Variants in BASP1 observed in about 807,000 individuals in gnomAD.
The protein encoded by BASP1 is brain acid soluble protein 1.
In BASP1, 1 loss-of-function variant was observed where a neutral mutation model predicts 2.2. The ratio of observed to expected loss-of-function variants is 0.46; its 90% CI spans 0.16 to 2.17. The LOEUF (loss-of-function observed/expected upper bound fraction) is 2.17, where lower values mean the gene tolerates loss of function less well. Ranked by LOEUF, BASP1 falls within the 30% of genes most tolerant of loss-of-function variation. The pLI, the probability that BASP1 is intolerant of heterozygous loss-of-function variation, is 0.27. For missense variants in BASP1, 352 were observed against 327.2 expected, an observed-to-expected ratio of 1.08 and a Z score of -0.58; for synonymous variants, 187 against 154.2, an observed-to-expected ratio of 1.21 and a Z score of -1.58.
chr5:17,250,895 C>T (rs1324584659), intron 1 of BASP1, among the ~76,000 whole-genome samples: 4 of 152,180 alleles, frequency 2.6e-5, no homozygotes, highest in African/African-American at 9.7e-5. Context: ...TGAGCCACAG[C>T]GCCCGGCCAA....
intron 1 of BASP1, among the ~76,000 whole-genome samples, chr5:17,249,176 C>G (rs1740051258): frequency 6.6e-6 from 1 of 152,064 alleles, no homozygotes; most frequent in Non-Finnish European, 1.5e-5. Flanking sequence ...GCCTGCAGAG[C>G]CCAACGCAGG....
Position 17,250,886 on chromosome 5 carries a change from G to GA in BASP1, c.-9-24321dup, listed in dbSNP as rs1416658924. The stretch of plus-strand genomic sequence containing the variant: ...CCCAAAGTGCTGGGATTACAGGCGT[G>GA]AGCCACAGCGCCCGGCCAAAATATT... On this transcript the variant is annotated intron_variant, in intron 1 of 1. Coordinates refer to ENST00000322611, the MANE Select transcript of BASP1 (RefSeq NM_006317.5). 2.0e-5 allele frequency among the ~76,000 whole-genome samples: 3 copies of GA among 152,320 alleles called. No individual in the cohort carries two copies. The East Asian group carries it at 5.8e-4, about 29-fold the overall frequency.
At position 17,266,090 on chromosome 5, in the gene BASP1, T is replaced by C. The variant is rs183869557; in HGVS notation, c.-9-9118T>C. Among the ~76,000 whole-genome samples, 72 of 152,338 alleles carry C rather than the reference T, an allele frequency of 4.7e-4. No homozygotes were observed. The East Asian group carries it at 0.013, about 27-fold the overall frequency. On this transcript the variant is annotated intron_variant, in intron 1 of 1. Coordinates refer to ENST00000322611, the MANE Select transcript of BASP1 (RefSeq NM_006317.5). ...CCACAGAGCAAGGGACACTAACCCG[T>C]TGGGCTTCCCGATTCATTGCTGTCA...
chr5:17,221,984 C>G (rs1255101071), intron 1 of BASP1, among the ~76,000 whole-genome samples: 1 of 151,978 alleles, frequency 6.6e-6, no homozygotes, highest in Non-Finnish European at 1.5e-5. Flanking sequence ...TCCTCAACCT[C>G]TCAGTCTCAA....
rs568356921 is a variant in BASP1 at position 17,222,628 on chromosome 5, C to T, written c.-10+4818C>T. 5.9e-5 allele frequency among the ~76,000 whole-genome samples: 9 copies of T among 152,286 alleles called. No individual in the cohort carries two copies. In the East Asian group the frequency reaches 1.7e-3, roughly 29 times the overall value. On this transcript the variant is annotated intron_variant, in intron 1 of 1. Transcript: ENST00000322611. ...TTAAAACAGCATTCTCCTTTTCCCTCTAGAAGTCAGAAATGGGATGAAATG... is the reference window on the plus strand; with the variant it reads ...TTAAAACAGCATTCTCCTTTTCCCTTTAGAAGTCAGAAATGGGATGAAATG...
At chr5:17,239,587 ATG>A (rs552002160) in intron 1 of BASP1, among the ~76,000 whole-genome samples, 59 of 152,296 alleles carry the variant, frequency 3.9e-4, no homozygotes, top group African/African-American at 1.4e-3. Flanking sequence ...CAATGTCAGG[ATG>A]TGTTTAAATA....
chr5:17,275,661 A>G lies in BASP1; in HGVS notation c.445A>G (p.Lys149Glu). The G allele has an allele frequency of 6.5e-7, 1 of 1,547,082 alleles. No individual in the cohort carries two copies. Among genetic ancestry groups the G allele is most frequent in the Non-Finnish European group, 8.7e-7 (1 of 1,147,490 alleles). ...EEPSKEEGEP[K>E]KTEAPAAPAA... ...GCCCAGCAAGGAGGAAGGGGAACCC[A>G]AAAAGACTGAGGCGCCCGCAGCTCC... Residue 149 changes from lysine to glutamate, a missense_variant, in exon 2 of 2, where the codon AAA (lysine) becomes GAA (glutamate). By Grantham distance (56) the Lys-to-Glu change is moderately conservative (BLOSUM62 1). Transcript: ENST00000322611. The surrounding 1 kb of genome is among the most constrained non-coding windows in gnomAD (Gnocchi z 5.3).
intron 1 of BASP1, among the ~76,000 whole-genome samples, chr5:17,238,307 T>C (rs917456415): frequency 2.0e-5 from 3 of 152,186 alleles, no homozygotes; most frequent in Non-Finnish European, 4.4e-5. Context: ...TCTGAGTTTT[T>C]TTTTTATCGA....
At position 17,229,326 on chromosome 5, in the gene BASP1, G is replaced by A. The variant is rs1469109332; in HGVS notation, c.-10+11516G>A. Among the ~76,000 whole-genome samples, 14 of 152,284 alleles carry A rather than the reference G, an allele frequency of 9.2e-5. No individual in the cohort carries two copies. In the East Asian group the frequency reaches 2.7e-3, roughly 29 times the overall value. ...TTAAATAAGGTTTGAAAACCCTTCCGAAAAGGAAGAAATGGCTGTACTTGG... is the reference window on the plus strand; with the variant it reads ...TTAAATAAGGTTTGAAAACCCTTCCAAAAAGGAAGAAATGGCTGTACTTGG... On this transcript the variant is annotated intron_variant, in intron 1 of 1. Coordinates refer to ENST00000322611, the MANE Select transcript of BASP1 (RefSeq NM_006317.5).
At chr5:17,227,465 G>T (rs1445898042) in intron 1 of BASP1, among the ~76,000 whole-genome samples, 1 of 150,944 alleles carries the variant, frequency 6.6e-6, no homozygotes, top group Non-Finnish European at 1.5e-5. Context: ...GCAGTGGCAC[G>T]ATCTCGGCTC....
At chr5:17,235,191 T>G (rs569370519) in intron 1 of BASP1, among the ~76,000 whole-genome samples, 1 of 152,142 alleles carries the variant, frequency 6.6e-6, no homozygotes, top group South Asian at 2.1e-4. Flanking sequence ...ACAGGCTAAC[T>G]GCATTAAGAT....
chr5:17,268,726 G>C (rs1047115424), intron 1 of BASP1, among the ~76,000 whole-genome samples: 5 of 152,166 alleles, frequency 3.3e-5, no homozygotes, highest in Non-Finnish European at 5.9e-5. Context: ...AGAGGAGATT[G>C]TCTCTATTAC....
At chr5:17,262,632 C>T (rs1039358846) in intron 1 of BASP1, among the ~76,000 whole-genome samples, 13 of 152,166 alleles carry the variant, frequency 8.5e-5, no homozygotes, top group African/African-American at 2.9e-4. Flanking sequence ...CAGACTCTAC[C>T]TTCTCTATAA....
chr5:17,228,561 A>C (rs1388705432), intron 1 of BASP1, among the ~76,000 whole-genome samples: 1 of 152,254 alleles, frequency 6.6e-6, no homozygotes, highest in Admixed American at 6.5e-5. Flanking sequence ...AACCCGTGTT[A>C]ATTAGCCCTT....
At chr5:17,227,684 G>A (rs1240806887) in intron 1 of BASP1, among the ~76,000 whole-genome samples, 5 of 152,060 alleles carry the variant, frequency 3.3e-5, no homozygotes, top group African/African-American at 4.8e-5. Flanking sequence ...GATTACAGGC[G>A]TGAGCCACCA....
At chr5:17,274,577 G>A (rs575480564) in intron 1 of BASP1, among the ~76,000 whole-genome samples, 129 of 152,254 alleles carry the variant, frequency 8.5e-4, no homozygotes, top group African/African-American at 2.9e-3. Flanking sequence ...CCTGTTCCAC[G>A]CTTGGTGTTT....
intron 1 of BASP1, among the ~76,000 whole-genome samples, chr5:17,250,154 C>T (rs1454234803): frequency 1.3e-5 from 2 of 152,150 alleles, no homozygotes; most frequent in East Asian, 1.9e-4. Flanking sequence ...ACCATGTTGG[C>T]CAGTCTGGTC....
At chr5:17,273,610 G>A (rs1250669580) in intron 1 of BASP1, among the ~76,000 whole-genome samples, 1 of 152,144 alleles carries the variant, frequency 6.6e-6, no homozygotes, top group Non-Finnish European at 1.5e-5. Context: ...CTTTTAATAA[G>A]ATAAATATAG....
chr5:17,270,568 A>G (rs1418077749), intron 1 of BASP1, among the ~76,000 whole-genome samples: 4 of 152,262 alleles, frequency 2.6e-5, no homozygotes, highest in Non-Finnish European at 5.9e-5. Flanking sequence ...TGCATGGAAC[A>G]CATATACCAA....
Sources: allele counts gnomAD v4.1 joint callset (sites outside exome capture counted in the v4.1 genomes callset), GRCh38; gene constraint gnomAD v4.1.1; non-coding constraint Gnocchi (gnomAD v3.1); transcripts MANE v1.5; gene names NCBI Gene and HGNC (gene_info 2026-07-23, HGNC 2026-07-21).